The following FNDC3A variants were observed in gnomAD, a reference collection of about 807,000 sequenced individuals.
FNDC3A encodes fibronectin type III domain containing 3A.
FNDC3A carries 32 observed loss-of-function variants against 148.9 expected under a neutral mutation model. That is an observed-to-expected ratio of 0.21 (90% CI 0.16 to 0.29). The LOEUF is 0.29. FNDC3A is among the 10% of genes least tolerant of loss of function. FNDC3A has a pLI of 1.00. For missense variants in FNDC3A, 1,191 were observed against 1,452.8 expected (o/e 0.82, Z 2.93); for synonymous variants, 472 against 473.6 (o/e 1.00, Z 0.04).
intron 2 of FNDC3A, among the ~76,000 whole-genome samples, chr13:49,037,266 TTA>T (rs2137677240): frequency 6.6e-6 from 1 of 152,334 alleles, no homozygotes; most frequent in Admixed American, 6.5e-5. Context: ...TATGCACTTA[TTA>T]TATGTTAACT....
intron 8 of FNDC3A, among the ~76,000 whole-genome samples, chr13:49,155,182 G>A (rs543769889): frequency 7.9e-5 from 12 of 151,754 alleles, no homozygotes; most frequent in South Asian, 6.3e-4. Context: ...ATTGATTATC[G>A]CCACAATTTC....
chr13:49,026,850 G>T (rs1016692384), intron 2 of FNDC3A, among the ~76,000 whole-genome samples: 14 of 152,162 alleles, frequency 9.2e-5, no homozygotes, highest in Admixed American at 3.3e-4. Flanking sequence ...TCAATGAAAA[G>T]ATGAGAATAA....
intron 1 of FNDC3A, among the ~76,000 whole-genome samples, chr13:48,996,459 T>A (rs556491995): frequency 6.6e-6 from 1 of 152,220 alleles, no homozygotes; most frequent in African/African-American, 2.4e-5. Flanking sequence ...AGAGCTTTTC[T>A]TTTTCATTAT....
chr13:48,976,557 G>C (rs1228621020), intron 1 of FNDC3A: 1 of 152,424 alleles, frequency 6.6e-6, no homozygotes, highest in African/African-American at 2.4e-5. Context: ...TCCTCCCCGC[G>C]GCGAGCCGCG....
chr13:49,169,997 G>C (rs768717553), intron 10 of FNDC3A, among the ~76,000 whole-genome samples: 4 of 152,138 alleles, frequency 2.6e-5, no homozygotes, highest in Non-Finnish European at 4.4e-5. Context: ...TATAGGTTAA[G>C]ATTTCTGTAG....
At chr13:49,113,305 A>G (rs555607591) in intron 3 of FNDC3A, among the ~76,000 whole-genome samples, 5 of 9,924 alleles carry the variant, frequency 5.0e-4, no homozygotes, top group African/African-American at 2.0e-3. Flanking sequence ...CCTGTTTAGT[A>G]TTTTCCGTCA....
At chr13:49,121,398 A>T (rs1057263274) in intron 4 of FNDC3A, among the ~76,000 whole-genome samples, 1 of 152,128 alleles carries the variant, frequency 6.6e-6, no homozygotes, top group African/African-American at 2.4e-5. Flanking sequence ...AAGCGGGAAA[A>T]ATCTAAAATC....
At chr13:48,997,619 GGAGAAGGTAGCCATCT>G (rs1952046750) in intron 1 of FNDC3A, among the ~76,000 whole-genome samples, 1 of 152,142 alleles carries the variant, frequency 6.6e-6, no homozygotes, top group South Asian at 2.1e-4. Context: ...GAGGACAAAA[GGAGAAGGTAGCCATCT>G]GAGAGCCAGA....
At chr13:49,158,188 G>C (rs1325579645) in intron 8 of FNDC3A, among the ~76,000 whole-genome samples, 6 of 152,168 alleles carry the variant, frequency 3.9e-5, no homozygotes, top group South Asian at 2.1e-4. Flanking sequence ...GTGGGCGTAG[G>C]ACCCTCCGAG....
intron 1 of FNDC3A, among the ~76,000 whole-genome samples, chr13:49,003,686 A>T (rs1327668653): frequency 6.6e-6 from 1 of 152,134 alleles, no homozygotes; most frequent in African/African-American, 2.4e-5. Context: ...TTAACCTTGT[A>T]TATTCAGATC....
intron 7 of FNDC3A, among the ~76,000 whole-genome samples, chr13:49,139,682 A>G (rs542187029): frequency 6.6e-6 from 1 of 152,332 alleles, no homozygotes; most frequent in African/African-American, 2.4e-5. Flanking sequence ...TTGAGAATAG[A>G]GCATATATGT....
chr13:48,987,559 C>T (rs1246576736), intron 1 of FNDC3A, among the ~76,000 whole-genome samples: 1 of 152,140 alleles, frequency 6.6e-6, no homozygotes, highest in Non-Finnish European at 1.5e-5. Flanking sequence ...TGCCCTCTTC[C>T]CTTTTAAACC....
intron 1 of FNDC3A, chr13:48,976,531 C>T (rs1951602810): frequency 6.6e-6 from 1 of 152,614 alleles, no homozygotes; most frequent in Non-Finnish European, 1.5e-5. Context: ...GGCGGCCCTT[C>T]TCTCTGTCCC....
At chr13:49,110,548 A>G in intron 3 of FNDC3A, 2 of 678,322 alleles carry the variant, frequency 2.9e-6, no homozygotes, top group Admixed American at 4.8e-5. Context: ...CCATGTAAAT[A>G]CAAAAAGGTT....
chr13:49,045,574 T>C (rs1875331934), intron 2 of FNDC3A: 4 of 390,608 alleles, frequency 1.0e-5, no homozygotes, highest in South Asian at 5.7e-5. Flanking sequence ...AAGTAATATA[T>C]CCCATACCAT....
At chr13:49,042,959 GT>G (rs1455005482) in intron 2 of FNDC3A, among the ~76,000 whole-genome samples, 2 of 151,726 alleles carry the variant, frequency 1.3e-5, no homozygotes, top group Non-Finnish European at 2.9e-5. Context: ...GACATTTTCT[GT>G]TTTTGTTTTT....
chr13:49,045,790 CT>C (rs11316518), intron 2 of FNDC3A: 102,383 of 162,436 alleles, frequency 0.63, 29,457 homozygotes, highest in Admixed American at 0.78. Flanking sequence ...AATGACAGTC[CT>C]TTTTTTTTTT....
At chr13:49,011,509 C>T (rs1228168811) in intron 2 of FNDC3A, among the ~76,000 whole-genome samples, 2 of 152,204 alleles carry the variant, frequency 1.3e-5, no homozygotes, top group Non-Finnish European at 2.9e-5. Flanking sequence ...GCTGGGATTA[C>T]ATGCGTGAGC....
chr13:49,126,390 C>T (rs142875342), intron 4 of FNDC3A, among the ~76,000 whole-genome samples: 82 of 152,260 alleles, frequency 5.4e-4, no homozygotes, highest in African/African-American at 1.6e-3. Context: ...GCTCCACCCT[C>T]CATCCACAGA....
Sources: gnomAD v4.1 joint callset for allele counts (sites outside exome capture counted in the v4.1 genomes callset) on GRCh38, gnomAD v4.1.1 for gene constraint, MANE v1.5 for transcripts, NCBI Gene and HGNC (gene_info 2026-07-23, HGNC 2026-07-21) for gene names.